CHN2: variants seen among roughly 807,000 people sequenced by gnomAD.
CHN2 encodes the protein chimerin 2, also known as beta-chimaerin.
Under a neutral mutation model 56.3 loss-of-function variants are expected in CHN2, and 35 were observed. The observed-to-expected ratio is 0.62, with a 90% CI of 0.47 to 0.82. The LOEUF is 0.82. CHN2 is among the 40% of genes least tolerant of loss of function. The pLI is 0.00. For missense variants in CHN2, 491 were observed against 580.5 expected, an observed-to-expected ratio of 0.85 and a Z score of 1.58; for synonymous variants, 210 against 212.8, an observed-to-expected ratio of 0.99 and a Z score of 0.12.
chr7:29,439,503 G>A (rs529417631), intron 6 of CHN2, among the ~76,000 whole-genome samples: 9 of 152,202 alleles, frequency 5.9e-5, no homozygotes, highest in East Asian at 1.9e-4. Flanking sequence ...TGTCCTTCAG[G>A]TGTTGGCTCC....
At chr7:29,292,988 C>T (rs917051016) in intron 1 of CHN2, 3 of 456,154 alleles carry the variant, frequency 6.6e-6, no homozygotes, top group East Asian at 6.9e-5. Flanking sequence ...GTCACTCCTC[C>T]GTCTTTGCAC....
chr7:29,221,397 A>AT (rs1243036567), intron 1 of CHN2, among the ~76,000 whole-genome samples: 1 of 152,206 alleles, frequency 6.6e-6, no homozygotes, highest in Non-Finnish European at 1.5e-5. Flanking sequence ...CAAAAATGAA[A>AT]TTTTAAACCA....
chr7:29,498,758 C>CTTTT (rs138784356), intron 8 of CHN2, among the ~76,000 whole-genome samples: 10 of 100,070 alleles, frequency 1.0e-4, no homozygotes, highest in South Asian at 3.4e-4. Context: ...ACTATGCTGC[C>CTTTT]TTTTTTTTTT....
intron 1 of CHN2, among the ~76,000 whole-genome samples, chr7:29,260,617 G>GA (rs1251312148): frequency 6.6e-6 from 1 of 152,140 alleles, no homozygotes; most frequent in East Asian, 1.9e-4. Flanking sequence ...TGCCAGCCGG[G>GA]ATCCCTTATA....
chr7:29,309,570 T>C (rs138214283), intron 1 of CHN2, among the ~76,000 whole-genome samples: 1 of 152,348 alleles, frequency 6.6e-6, no homozygotes, highest in Non-Finnish European at 1.5e-5. Flanking sequence ...CCTTTCTGGC[T>C]TAGCATGAGC....
intron 1 of CHN2, among the ~76,000 whole-genome samples, chr7:29,199,285 G>A (rs750970052): frequency 3.3e-5 from 5 of 152,196 alleles, no homozygotes; most frequent in Non-Finnish European, 5.9e-5. Flanking sequence ...ACTTATGTAT[G>A]TCTAACTAGA....
chr7:29,175,592 G>A (rs914188884), intron 2 of CHN2, among the ~76,000 whole-genome samples: 10 of 152,072 alleles, frequency 6.6e-5, no homozygotes, highest in African/African-American at 2.2e-4. Flanking sequence ...CTCCCCAGCC[G>A]TATGGAACTG....
intron 2 of CHN2, among the ~76,000 whole-genome samples, chr7:29,150,357 C>G (rs1793421129): frequency 6.6e-6 from 1 of 152,122 alleles, no homozygotes; most frequent in African/African-American, 2.4e-5. Context: ...TATAAAGGCT[C>G]AAAAAATGGC....
At chr7:29,393,303 T>C (rs556824859) in intron 3 of CHN2, among the ~76,000 whole-genome samples, 45 of 152,362 alleles carry the variant, frequency 3.0e-4, no homozygotes, top group African/African-American at 1.1e-3. Context: ...ATAAAAACAA[T>C]TAGGCACAGA....
At chr7:29,459,001 C>T (rs570273935) in intron 6 of CHN2, among the ~76,000 whole-genome samples, 1 of 152,346 alleles carries the variant, frequency 6.6e-6, no homozygotes, top group East Asian at 1.9e-4. Flanking sequence ...GTGATCCTTT[C>T]ACAAAGAAGT....
intron 1 of CHN2, among the ~76,000 whole-genome samples, chr7:29,202,710 C>T (rs1217109586): frequency 2.6e-5 from 4 of 152,168 alleles, no homozygotes; most frequent in Non-Finnish European, 5.9e-5. Context: ...TTTATCGGGC[C>T]CCATCATTGC....
chr7:29,456,619 C>G (rs1488660397), intron 6 of CHN2, among the ~76,000 whole-genome samples: 9 of 143,200 alleles, frequency 6.3e-5, no homozygotes, highest in African/African-American at 2.4e-4. Context: ...GCCCCCTCCC[C>G]CCCACCACCA....
intron 3 of CHN2, among the ~76,000 whole-genome samples, chr7:29,387,218 T>A (rs966449922): frequency 5.9e-5 from 1 of 16,874 alleles, no homozygotes; most frequent in Non-Finnish European, 1.2e-4. Flanking sequence ...ATGGTCCAAG[T>A]CTCACATGTG....
At chr7:29,240,214 T>A (rs1399677349) in intron 1 of CHN2, among the ~76,000 whole-genome samples, 1 of 152,220 alleles carries the variant, frequency 6.6e-6, no homozygotes, top group Admixed American at 6.5e-5. Flanking sequence ...CACTGTCCCC[T>A]GAGCCTGGCC....
intron 1 of CHN2, among the ~76,000 whole-genome samples, chr7:29,263,440 C>T (rs937539097): frequency 1.3e-5 from 2 of 152,266 alleles, no homozygotes; most frequent in East Asian, 1.9e-4. Context: ...AGCCTCTGCC[C>T]GGCCGCCACC....
chr7:29,457,486 G>C (rs1390546924), intron 6 of CHN2, among the ~76,000 whole-genome samples: 1 of 152,160 alleles, frequency 6.6e-6, no homozygotes, highest in African/African-American at 2.4e-5. Context: ...AGCAGTACCT[G>C]TCACACTCAC....
upstream of CHN2, chr7:29,194,234 G>A: frequency 6.8e-6 from 1 of 147,406 alleles, no homozygotes; most frequent in Non-Finnish European, 1.5e-5. Context: ...GAGCAGCGCT[G>A]CGCGCAGCAG....
chr7:29,287,224 C>T (rs752591646), intron 1 of CHN2, among the ~76,000 whole-genome samples: 6 of 152,194 alleles, frequency 3.9e-5, no homozygotes, highest in Non-Finnish European at 5.9e-5. Flanking sequence ...GTCTTCTTCA[C>T]TGAACTTTTC....
At chr7:29,432,457 C>T (rs1288628779) in intron 6 of CHN2, among the ~76,000 whole-genome samples, 1 of 152,196 alleles carries the variant, frequency 6.6e-6, no homozygotes, top group Non-Finnish European at 1.5e-5. Context: ...CATAATTTGT[C>T]TCCAAGTTTG....
Sources: gnomAD v4.1 joint callset for allele counts (sites outside exome capture counted in the v4.1 genomes callset) on GRCh38, gnomAD v4.1.1 for gene constraint, MANE v1.5 for transcripts, NCBI Gene and HGNC (gene_info 2026-07-23, HGNC 2026-07-21) for gene names.